PLLP: variants seen among roughly 807,000 people sequenced by gnomAD.
The protein encoded by PLLP is plasma membrane proteolipid (plasmolipin).
A neutral mutation model predicts 19.7 loss-of-function variants in PLLP; 15 were observed. That is an observed-to-expected ratio of 0.76 (90% confidence interval 0.51 to 1.17). PLLP has a LOEUF of 1.17. Among genes scored for constraint, PLLP ranks in the 50% most tolerant of loss-of-function variants. The pLI, the probability that PLLP is intolerant of heterozygous loss-of-function variation, is 0.00. For missense variants in PLLP, 255 were observed against 258.3 expected, an observed-to-expected ratio of 0.99 and a Z score of 0.09; for synonymous variants, 111 against 116.3, an observed-to-expected ratio of 0.95 and a Z score of 0.29.
rs1197784055 is a variant in PLLP, at chr16:57,256,858, T to C, written c.*55A>G. On this transcript the variant is annotated 3_prime_UTR_variant, in exon 4 of 4. Coordinates refer to ENST00000219207, the MANE Select transcript of PLLP (RefSeq NM_015993.3). ...CAGCTTCAGGCTTGCAGGGTGACCC[T>C]GCTCTGTGACCCAGCGGCGGCTTCA... The C allele has an allele frequency of 8.2e-7, 1 of 1,224,902 alleles. No individual in the cohort carries two copies. The highest frequency in any genetic ancestry group is 1.2e-6 in the Non-Finnish European group (1 of 832,606). The allele number at this position is 1,224,902 out of a possible 1,614,324, so 75.9% of individuals were successfully genotyped here.
intron 1 of PLLP, among the ~76,000 whole-genome samples, chr16:57,275,578 A>G (rs1901140336): frequency 6.8e-6 from 1 of 148,138 alleles, no homozygotes; most frequent in South Asian, 2.2e-4. Flanking sequence ...GAAAAAAGGA[A>G]GAGGAATGAA....
In PLLP at chr16:57,256,621, T is replaced by C; in HGVS notation, c.*292A>G. Reference sequence around the variant, plus strand: ...TGGGCCCCAGTCTTGGACGCTGAAGTCCTCTAAAGACAAGGCAGAGACACA... The same window carrying C: ...TGGGCCCCAGTCTTGGACGCTGAAGCCCTCTAAAGACAAGGCAGAGACACA... On this transcript the variant is annotated 3_prime_UTR_variant, in exon 4 of 4. Transcript: ENST00000219207. 1 of 391,504 alleles carries C rather than the reference T, an allele frequency of 2.6e-6. No individual in the cohort carries two copies. 24.3% of individuals were successfully genotyped at this position (391,504 alleles called of 1,614,324 possible).
intron 1 of PLLP, among the ~76,000 whole-genome samples, chr16:57,265,502 C>T (rs1050754277): frequency 3.9e-5 from 6 of 152,206 alleles, no homozygotes; most frequent in African/African-American, 1.4e-4. Context: ...ATGCAATGAA[C>T]CAAAAATCAA....
intron 1 of PLLP, among the ~76,000 whole-genome samples, chr16:57,281,742 A>G (rs1481354238): frequency 6.6e-6 from 1 of 151,752 alleles, no homozygotes; most frequent in Non-Finnish European, 1.5e-5. Context: ...CCGTCTCCTG[A>G]CCTCGTGATC....
chr16:57,260,510 C>T (rs926512423), intron 2 of PLLP, among the ~76,000 whole-genome samples: 11 of 152,154 alleles, frequency 7.2e-5, no homozygotes, highest in African/African-American at 2.2e-4. Flanking sequence ...CCAGGGATGT[C>T]GAGATCTAAC....
rs201221920 is a variant in PLLP, at chr16:57,279,946, C to A, written c.135+4460G>T. ...AAATGGAAGGACAGAAGGTACCAAACCAAATGGCCTTACCGCCACAGGGCA... is the reference window on the plus strand; with the variant it reads ...AAATGGAAGGACAGAAGGTACCAAAACAAATGGCCTTACCGCCACAGGGCA... On this transcript the variant is annotated intron_variant, in intron 1 of 3. Transcript: ENST00000219207. Among the ~76,000 whole-genome samples the A allele has an allele frequency of 4.6e-5, 7 of 152,362 alleles. No individual in the cohort carries two copies. In the East Asian group the frequency reaches 1.4e-3, roughly 29 times the overall value.
At chr16:57,275,974 G>A (rs1901149014) in intron 1 of PLLP, among the ~76,000 whole-genome samples, 1 of 152,176 alleles carries the variant, frequency 6.6e-6, no homozygotes, top group South Asian at 2.1e-4. Flanking sequence ...TGGGCATGGT[G>A]AGGAGCACCT....
Position 57,262,051 on chromosome 16 carries a change from C to T in PLLP, c.155G>A (p.Trp52Ter). Reference sequence around the variant, plus strand: ...GTACGGGGTGTCCGCAATCAGCGCCCACACCAGCAGCCCCAGCACCTAGGA... The same window carrying T: ...GTACGGGGTGTCCGCAATCAGCGCCTACACCAGCAGCCCCAGCACCTAGGA... Reference protein sequence around the residue: ...LLQLVLGLLVWALIADTPYHL... With the variant: ...LLQLVLGLLV The change falls in exon 2 of 4, where the codon TGG becomes TAG. Residue 52 changes from tryptophan (W) to a stop codon, truncating the protein, a stop_gained. Transcript: ENST00000219207. LOFTEE classifies it high-confidence loss of function. 1 of 1,614,214 alleles carries T rather than the reference C, an allele frequency of 6.2e-7. No homozygotes were observed. Among genetic ancestry groups the T allele is most frequent in the African/African-American group, 1.3e-5 (1 of 75,062 alleles).
At chr16:57,260,231 T>C (rs1376187905) in intron 2 of PLLP, among the ~76,000 whole-genome samples, 1 of 152,196 alleles carries the variant, frequency 6.6e-6, no homozygotes, top group Non-Finnish European at 1.5e-5. Flanking sequence ...AAGCCCTCTC[T>C]GCCCCATTCG....
At chr16:57,262,184 G>T in intron 1 of PLLP, 114 bp from the exon 2 acceptor site, 4 of 994,214 alleles carry the variant, frequency 4.0e-6, no homozygotes, top group Non-Finnish European at 6.1e-6. Flanking sequence ...CACTTTGGGA[G>T]CCCAAGGTGT....
intron 3 of PLLP, 150 bp from the exon 4 acceptor site, chr16:57,257,179 A>C (rs1308213787): frequency 7.8e-6 from 5 of 637,896 alleles, no homozygotes; most frequent in Non-Finnish European, 1.4e-5. Context: ...CATGGGGCTG[A>C]TGAGCACCAG....
intron 3 of PLLP, among the ~76,000 whole-genome samples, chr16:57,257,839 C>T (rs900299210): frequency 7.9e-5 from 12 of 152,178 alleles, no homozygotes; most frequent in Admixed American, 6.6e-4. Context: ...CAAGGGGGCA[C>T]GTGACCCTAA....
chr16:57,276,935 C>T (rs1464574821), intron 1 of PLLP, among the ~76,000 whole-genome samples: 5 of 152,158 alleles, frequency 3.3e-5, no homozygotes, highest in African/African-American at 1.2e-4. Context: ...AACAAAGGGA[C>T]TGACCACACA....
At chr16:57,260,048 G>A (rs117591991) in intron 2 of PLLP, among the ~76,000 whole-genome samples, 77 of 151,834 alleles carry the variant, frequency 5.1e-4, no homozygotes, top group Non-Finnish European at 8.1e-4. Context: ...ACTAGGAACA[G>A]ATGAAGTGAG....
At position 57,256,853 on chromosome 16, in the gene PLLP, G is replaced by A; in HGVS notation, c.*60C>T. On this transcript the variant is annotated 3_prime_UTR_variant, in exon 4 of 4. Transcript: ENST00000219207. ...CTCCCCAGCTTCAGGCTTGCAGGGT[G>A]ACCCTGCTCTGTGACCCAGCGGCGG... 8.7e-7 allele frequency: 1 copy of A among 1,143,708 alleles called. No homozygotes were observed. Among genetic ancestry groups the A allele is most frequent in the Non-Finnish European group, 1.3e-6 (1 of 761,246 alleles). The allele number at this position is 1,143,708 out of a possible 1,614,324, so 70.8% of individuals were successfully genotyped here.
At chr16:57,273,040 T>C (rs1172716529) in intron 1 of PLLP, among the ~76,000 whole-genome samples, 1 of 151,690 alleles carries the variant, frequency 6.6e-6, no homozygotes, top group African/African-American at 2.4e-5. Flanking sequence ...GGGTGGATCA[T>C]GAGGTCAGGA....
At chr16:57,262,571 T>C (rs1490788106) in intron 1 of PLLP, among the ~76,000 whole-genome samples, 6 of 151,198 alleles carry the variant, frequency 4.0e-5, no homozygotes, top group African/African-American at 1.5e-4. Context: ...AAAATAATAA[T>C]AATAATAATA....
intron 1 of PLLP, among the ~76,000 whole-genome samples, chr16:57,266,838 T>C (rs1298851482): frequency 6.7e-6 from 1 of 150,338 alleles, no homozygotes; most frequent in Non-Finnish European, 1.5e-5. Context: ...AAGGGAACTG[T>C]CTGGAAATCT....
intron 1 of PLLP, among the ~76,000 whole-genome samples, chr16:57,270,550 G>A (rs1324989174): frequency 6.6e-6 from 1 of 151,894 alleles, no homozygotes; most frequent in African/African-American, 2.4e-5. Flanking sequence ...ACTCAGCCTG[G>A]CCAGGCTCGG....
Sources: gnomAD v4.1 joint callset for allele counts (sites outside exome capture counted in the v4.1 genomes callset) on GRCh38, gnomAD v4.1.1 for gene constraint, MANE v1.5 for transcripts, NCBI Gene and HGNC (gene_info 2026-07-23, HGNC 2026-07-21) for gene names.